The following MROH7 variants were observed in gnomAD, a reference collection of about 807,000 sequenced individuals.
The protein encoded by MROH7 is maestro heat like repeat family member 7.
Under a neutral mutation model 129.2 loss-of-function variants are expected in MROH7, and 113 were observed. The observed-to-expected ratio is 0.87, with a 90% CI of 0.75 to 1.02. The LOEUF (loss-of-function observed/expected upper bound fraction) is 1.02, where lower values mean the gene tolerates loss of function less well. Ranked by LOEUF, MROH7 falls within the 50% of genes least tolerant of loss-of-function variation. The pLI is 0.00. For missense variants in MROH7, 1,601 were observed against 1,671.3 expected (o/e 0.96, Z 0.73); for synonymous variants, 655 against 667.9 (o/e 0.98, Z 0.30).
At chr1:54,695,054 G>C (rs1645298819) in intron 16 of MROH7, among the ~76,000 whole-genome samples, 1 of 152,194 alleles carries the variant, frequency 6.6e-6, no homozygotes, top group African/African-American at 2.4e-5. Context: ...TGGTGAGTGG[G>C]CCTTCACATC....
Position 54,653,958 on chromosome 1 carries a change from G to A in MROH7, c.1032G>A (p.Leu344=), listed in dbSNP as rs376456399. Reference sequence around the variant, plus strand: ...CTCTGAGCCTGGACTCCAGCCTCCTGTTCAGCGACACCTCCACCTTGACGC... The same window carrying A: ...CTCTGAGCCTGGACTCCAGCCTCCTATTCAGCGACACCTCCACCTTGACGC... ...NETLSLDSSL[L]FSDTSTLTLS... Residue 344 remains leucine (L), a synonymous_variant, in exon 3 of 24, where the codon CTG becomes CTA. Transcript: ENST00000421030. The A allele has an allele frequency of 8.7e-6, 14 of 1,614,064 alleles. No individual in the cohort carries two copies. Among genetic ancestry groups the A allele is most frequent in the Non-Finnish European group, 1.2e-5 (14 of 1,180,050 alleles).
rs1488763483 is a variant in MROH7 at position 54,678,727 on chromosome 1, G to T, written c.1937-15G>T. On this transcript the variant is annotated splice_polypyrimidine_tract_variant and intron_variant, in intron 10 of 23. Coordinates refer to ENST00000421030, the MANE Select transcript of MROH7 (RefSeq NM_001039464.4). Reference sequence around the variant, plus strand: ...AGGGAGATCCGGCCTCACTGAGAAGGTTCTCATCTTGCAGGAGCCAGAGAT... The same window carrying T: ...AGGGAGATCCGGCCTCACTGAGAAGTTTCTCATCTTGCAGGAGCCAGAGAT... 1 of 1,583,970 alleles carries T rather than the reference G, an allele frequency of 6.3e-7. No individual in the cohort carries two copies. The highest frequency in any genetic ancestry group is 8.7e-7 in the Non-Finnish European group (1 of 1,152,900).
rs562296946 is a variant in MROH7 at position 54,663,367 on chromosome 1, C to T, written c.1232-1800C>T. On this transcript the variant is annotated intron_variant, in intron 3 of 23. Transcript: ENST00000421030. ...CCAGCCTGACCAACATGGCGAGAGC[C>T]CCGAGCTCTTGTTTCTTTTTTTTGA... 3.3e-5 allele frequency among the ~76,000 whole-genome samples: 5 copies of T among 152,148 alleles called. No homozygotes were observed. The South Asian group carries it at 6.2e-4, about 19-fold the overall frequency.
intron 21 of MROH7, among the ~76,000 whole-genome samples, chr1:54,705,776 G>A (rs1645522906): frequency 6.6e-6 from 1 of 152,148 alleles, no homozygotes; most frequent in Non-Finnish European, 1.5e-5. Context: ...ATGAAGCTTT[G>A]CATGCCAGGC....
At chr1:54,666,174 A>G (rs1557700622) in intron 4 of MROH7, among the ~76,000 whole-genome samples, 1 of 152,234 alleles carries the variant, frequency 6.6e-6, no homozygotes, top group Non-Finnish European at 1.5e-5. Context: ...AAGACTTCTT[A>G]TTGATGTCAT....
At chr1:54,692,616 C>T in intron 16 of MROH7, 55 bp downstream of exon 16, 1 of 1,564,260 alleles carries the variant, frequency 6.4e-7, no homozygotes, top group Non-Finnish European at 8.7e-7. Flanking sequence ...AGGGGGACCT[C>T]AGGATCTTCA....
intron 3 of MROH7, among the ~76,000 whole-genome samples, chr1:54,660,330 C>T (rs1644712548): frequency 6.6e-6 from 1 of 152,112 alleles, no homozygotes; most frequent in South Asian, 2.1e-4. Context: ...GTGGAGCCCT[C>T]ATAATTTGAC....
intron 17 of MROH7, chr1:54,697,772 C>T: frequency 3.0e-6 from 2 of 666,780 alleles, no homozygotes; most frequent in South Asian, 3.2e-5. Context: ...ACACGGTCCT[C>T]TACTTTGGTC....
chr1:54,680,141 C>T (rs552843919), intron 13 of MROH7, 96 bp downstream of exon 13: 84 of 1,187,012 alleles, frequency 7.1e-5, no homozygotes, highest in African/African-American at 6.3e-4. Flanking sequence ...ATAAGCCCCT[C>T]GCCCTCCCAG....
intron 17 of MROH7, chr1:54,695,959 C>T: frequency 3.4e-6 from 1 of 290,342 alleles, no homozygotes; most frequent in East Asian, 9.5e-5. Context: ...GAGGAGGTGA[C>T]ATCTAAGCTG....
intron 4 of MROH7, among the ~76,000 whole-genome samples, chr1:54,665,976 A>T (rs75070110): frequency 6.6e-6 from 1 of 152,204 alleles, no homozygotes; most frequent in Admixed American, 6.5e-5. Flanking sequence ...GCGTCCTTCT[A>T]GTTGTCCACT....
In MROH7 at chr1:54,697,507, C is replaced by G. The variant is rs935707759; in HGVS notation, c.2964+2017C>G. The G allele has an allele frequency of 1.8e-4, 96 of 533,076 alleles. 1 individual carries two copies. Among genetic ancestry groups the G allele is most frequent in the Middle Eastern group, 5.5e-4 (2 of 3,652 alleles). The allele number at this position is 533,076 out of a possible 1,614,324, so 33.0% of individuals were successfully genotyped here. A position where few individuals can be genotyped will look rare whatever the true frequency, so the allele number is the denominator to read the frequency against. On this transcript the variant is annotated intron_variant, in intron 17 of 23. Transcript: ENST00000421030. The stretch of plus-strand genomic sequence containing the variant: ...CCTTGGGGTCGGGAGTCCTGGGTTC[C>G]AGCCCCAGCTCCATCCAGTTCTAAC...
At chr1:54,695,319 C>CA (rs1349157898) in intron 16 of MROH7, 57 bp from the exon 17 acceptor site, 1 of 931,164 alleles carries the variant, frequency 1.1e-6, no homozygotes, top group Admixed American at 2.1e-5. Flanking sequence ...AAATCCCCCC[C>CA]ACAGGTCCCC....
Position 54,653,034 on chromosome 1 carries a change from G to A in MROH7, c.108G>A (p.Gln36=). The change falls in exon 3 of 24, where the codon CAG becomes CAA. Residue 36 remains glutamine, a synonymous_variant. Transcript: ENST00000421030. ...GATTAGGGTCTGGTACCATCCCTCA[G>A]CCCCACCCAGACATGGCTCAGGTGC... The part of the protein sequence containing the change: ...APGLGSGTIP[Q]PHPDMAQVPM... 6.2e-7 allele frequency: 1 copy of A among 1,614,144 alleles called. No homozygotes were observed. The highest frequency in any genetic ancestry group is 8.5e-7 in the Non-Finnish European group (1 of 1,180,022).
At chr1:54,686,554 T>A (rs1365121762) in intron 15 of MROH7, 106 bp downstream of exon 15, 1 of 1,034,292 alleles carries the variant, frequency 9.7e-7, no homozygotes, top group East Asian at 2.5e-5. Context: ...AGAAATCAGC[T>A]TTGGGACTAG....
At chr1:54,707,023 T>G (rs771724076) in intron 22 of MROH7, among the ~76,000 whole-genome samples, 5 of 152,170 alleles carry the variant, frequency 3.3e-5, no homozygotes, top group Non-Finnish European at 7.3e-5. Context: ...ACAGACTGAA[T>G]GAGAATATTT....
chr1:54,646,534 CA>C lies in MROH7; in HGVS notation c.-110+4567del, dbSNP rs1369309781. Among the ~76,000 whole-genome samples, 18 of 152,268 alleles carry C rather than the reference CA, an allele frequency of 1.2e-4. No homozygotes were observed. The East Asian group carries it at 3.3e-3, about 28-fold the overall frequency. On this transcript the variant is annotated intron_variant, in intron 1 of 23. Coordinates refer to ENST00000421030, the MANE Select transcript of MROH7 (RefSeq NM_001039464.4). ...CAGTCACTGCCTTCTTTCCAGCCAT[CA>C]GAATCCTTTTATGGTTGTCTGTTGA...
At chr1:54,708,786 C>A (rs1645576312) in intron 22 of MROH7, among the ~76,000 whole-genome samples, 1 of 152,176 alleles carries the variant, frequency 6.6e-6, no homozygotes, top group African/African-American at 2.4e-5. Context: ...TCAGCTGCAG[C>A]CCAGATACTG....
chr1:54,672,655 G>A (rs573007615), intron 7 of MROH7, among the ~76,000 whole-genome samples: 4 of 152,230 alleles, frequency 2.6e-5, no homozygotes, highest in Admixed American at 6.5e-5. Flanking sequence ...CAGCTCTTGC[G>A]GTTCCAGAGC....
Sources: gnomAD v4.1 joint callset for allele counts (sites outside exome capture counted in the v4.1 genomes callset) on GRCh38, gnomAD v4.1.1 for gene constraint, MANE v1.5 for transcripts, NCBI Gene and HGNC (gene_info 2026-07-23, HGNC 2026-07-21) for gene names.